ZCCHC2: variants seen among roughly 807,000 people sequenced by gnomAD.
ZCCHC2 encodes the protein zinc finger CCHC-type containing 2.
Under a neutral mutation model 103.6 loss-of-function variants are expected in ZCCHC2, and 39 were observed. That is an observed-to-expected ratio of 0.38 (90% confidence interval 0.29 to 0.49). ZCCHC2 has a LOEUF of 0.49. Ranked by LOEUF, ZCCHC2 falls within the 20% of genes least tolerant of loss-of-function variation. The probability of loss-of-function intolerance (pLI) is 0.96; values close to 1 mark genes in which losing one functional copy is unlikely to be tolerated. For missense variants in ZCCHC2, 1,483 were observed against 1,491.0 expected (o/e 0.99, Z 0.09); for synonymous variants, 687 against 608.9 (o/e 1.13, Z -1.89).
chr18:62,586,117 T>TTA (rs1555790345), exon 15 of ZCCHC2: 3 of 151,340 alleles, frequency 2.0e-5, no homozygotes, highest in African/African-American at 4.9e-5. Flanking sequence ...TTTTTTTTTT[T>TTA]ACCTGAAAGC....
At chr18:62,553,768 C>G (rs1018240822) in intron 5 of ZCCHC2, among the ~76,000 whole-genome samples, 3 of 152,108 alleles carry the variant, frequency 2.0e-5, no homozygotes, top group African/African-American at 7.2e-5. Context: ...AAAGACAGTC[C>G]GATTTCAGTT....
chr18:62,573,691 C>T (rs1019397336), intron 12 of ZCCHC2, among the ~76,000 whole-genome samples: 17 of 152,254 alleles, frequency 1.1e-4, no homozygotes, highest in Admixed American at 7.8e-4. Flanking sequence ...CTTGGGTTGG[C>T]AGTGCAGAAT....
intron 7 of ZCCHC2, 69 bp from the exon 8 acceptor site, chr18:62,560,518 T>G (rs1294746481): frequency 7.9e-7 from 1 of 1,273,332 alleles, no homozygotes; most frequent in African/African-American, 1.5e-5. Context: ...TCATACAAAC[T>G]AGTAGCATCC....
At chr18:62,575,654 G>A in intron 13 of ZCCHC2, 104 bp downstream of exon 13, 1 of 1,377,132 alleles carries the variant, frequency 7.3e-7, no homozygotes, top group Non-Finnish European at 9.8e-7. Context: ...ATCTGTTTGT[G>A]TTTTCGTTTA....
At chr18:62,573,721 T>G (rs79455429) in intron 12 of ZCCHC2, among the ~76,000 whole-genome samples, 441 of 152,328 alleles carry the variant, frequency 2.9e-3, no homozygotes, top group African/African-American at 9.7e-3. Flanking sequence ...GTGGATTGCC[T>G]GAAGTTTATT....
intron 1 of ZCCHC2, 130 bp downstream of exon 1, chr18:62,524,493 G>C (rs1914257756): frequency 7.4e-7 from 1 of 1,348,084 alleles, no homozygotes; most frequent in Admixed American, 3.4e-5. Flanking sequence ...CCACCCGGCA[G>C]CTCCCAGCGC....
chr18:62,535,148 A>C (rs916638327), intron 1 of ZCCHC2, among the ~76,000 whole-genome samples: 1 of 152,170 alleles, frequency 6.6e-6, no homozygotes, highest in East Asian at 1.9e-4. Flanking sequence ...AGGCAGAGTC[A>C]GATGTGGGCT....
chr18:62,563,434 G>A (rs1423230961), intron 9 of ZCCHC2, among the ~76,000 whole-genome samples: 1 of 152,118 alleles, frequency 6.6e-6, no homozygotes, highest in Non-Finnish European at 1.5e-5. Flanking sequence ...TAAGGCAGGA[G>A]GATTGCTTGA....
intron 1 of ZCCHC2, among the ~76,000 whole-genome samples, chr18:62,533,351 C>G (rs999211226): frequency 6.6e-6 from 1 of 150,982 alleles, no homozygotes; most frequent in Non-Finnish European, 1.5e-5. Flanking sequence ...CATAGTGAAA[C>G]CCTGTCTCTA....
Position 62,570,232 on chromosome 18 carries a change from G to A in ZCCHC2, c.1975+1G>A, listed in dbSNP as rs753483256. 6.2e-7 allele frequency: 1 copy of A among 1,610,982 alleles called. No homozygotes were observed. On this transcript the variant is annotated splice_donor_variant, in intron 12 of 13. Transcript: ENST00000269499. LOFTEE classifies it high-confidence loss of function. ...GAAAGTGAAGAAGAGAAAGACAGAG[G>A]TTTGCTCTTTGAAGTGGGAGTATTG...
chr18:62,567,349 CA>C (rs1255534971), intron 11 of ZCCHC2, among the ~76,000 whole-genome samples: 1 of 152,160 alleles, frequency 6.6e-6, no homozygotes, highest in Non-Finnish European at 1.5e-5. Context: ...TTCTGATTAG[CA>C]GGTTGTTTGG....
intron 12 of ZCCHC2, among the ~76,000 whole-genome samples, chr18:62,572,079 G>A (rs3760571): frequency 2.3e-4 from 35 of 152,130 alleles, no homozygotes; most frequent in South Asian, 1.0e-3. Context: ...GATTTTTTTC[G>A]TCTTCTTTTT....
At position 62,574,092 on chromosome 18, in the gene ZCCHC2, T is replaced by A; in HGVS notation, c.2011T>A (p.Ser671Thr). 6.2e-7 allele frequency: 1 copy of A among 1,613,870 alleles called. No individual in the cohort carries two copies. The highest frequency in any genetic ancestry group is 8.5e-7 in the Non-Finnish European group (1 of 1,179,820). Residue 671 changes from serine to threonine, a missense_variant, in exon 13 of 14, where the codon TCA becomes ACA. By Grantham distance (58) the Ser-to-Thr change is moderately conservative. Around this residue, in one of 3 missense-constraint regions of ZCCHC2, gnomAD observed 884 missense variants for 907.5 expected, o/e 0.97. Coordinates refer to ENST00000269499, the MANE Select transcript of ZCCHC2 (RefSeq NM_017742.6). ...CAATTCTGAGGATTCTGGGAATCCA[T>A]CAACAACTAGGTTTACAGGTTACGG... ...DSNSEDSGNP[S>T]TTRFTGYGSV...
Position 62,539,667 on chromosome 18 carries a change from T to G in ZCCHC2, c.940-14T>G. On this transcript the variant is annotated splice_polypyrimidine_tract_variant and intron_variant, in intron 1 of 13. Coordinates refer to ENST00000269499, the MANE Select transcript of ZCCHC2 (RefSeq NM_017742.6). The stretch of plus-strand genomic sequence containing the variant: ...CATGGTTTAAGTTAACGTATCTCCC[T>G]CTTTCTCATCTAGAACAACTCTGCT... 1 of 1,565,350 alleles carries G rather than the reference T, an allele frequency of 6.4e-7. No homozygotes were observed.
chr18:62,542,528 G>C lies in ZCCHC2; in HGVS notation c.1082G>C (p.Gly361Ala), dbSNP rs951524811. The C allele has an allele frequency of 6.4e-7, 1 of 1,564,782 alleles. No individual in the cohort carries two copies. Among genetic ancestry groups the C allele is most frequent in the African/African-American group, 1.4e-5 (1 of 73,830 alleles). The change falls in exon 3 of 14, where the codon GGA (glycine) becomes GCA (alanine). Residue 361 changes from glycine (G) to alanine (A), a missense_variant. Physicochemically the swap from Gly to Ala is moderately conservative, Grantham distance 60 (BLOSUM62 0). This residue lies in a region of ZCCHC2 where 568 missense variants were observed against 525.1 expected (regional missense o/e 1.08). Coordinates refer to ENST00000269499, the MANE Select transcript of ZCCHC2 (RefSeq NM_017742.6). The part of the protein sequence containing the change: ...AVHIEKIMLK[G>A]VQRKRADKYW... ...CACATTGAGAAGATAATGTTGAAAG[G>C]AGTCCAGAGAAAAAGAGCTGACAAA... is the stretch of plus-strand genomic sequence containing the variant.
At chr18:62,542,908 T>C (rs1568543594) in intron 3 of ZCCHC2, among the ~76,000 whole-genome samples, 1 of 152,128 alleles carries the variant, frequency 6.6e-6, no homozygotes, top group Admixed American at 6.5e-5. Flanking sequence ...TCCCTGGTAT[T>C]TTCCTCCTCC....
intron 6 of ZCCHC2, among the ~76,000 whole-genome samples, chr18:62,558,285 T>C (rs545150255): frequency 1.1e-3 from 164 of 152,320 alleles, no homozygotes; most frequent in African/African-American, 3.8e-3. Context: ...AGATTAACAA[T>C]TTGACAGTGC....
At chr18:62,561,388 C>T (rs1227459863) in intron 8 of ZCCHC2, among the ~76,000 whole-genome samples, 1 of 152,216 alleles carries the variant, frequency 6.6e-6, no homozygotes, top group Non-Finnish European at 1.5e-5. Flanking sequence ...TCCAGTTTCT[C>T]CTGCAGATCC....
In ZCCHC2 at chr18:62,574,319, A is replaced by C; in HGVS notation, c.2238A>C (p.Lys746Asn). 6.2e-7 allele frequency: 1 copy of C among 1,614,054 alleles called. No homozygotes were observed. Among genetic ancestry groups the C allele is most frequent in the Non-Finnish European group, 8.5e-7 (1 of 1,179,902 alleles). Residue 746 changes from lysine to asparagine, a missense_variant, in exon 13 of 14, where the codon AAA (lysine) becomes AAC (asparagine). Coordinates refer to ENST00000269499, the MANE Select transcript of ZCCHC2 (RefSeq NM_017742.6). ...VVPAPKPADG[K>N]TIGMLVPSPV... ...CTGCACCCAAACCCGCTGATGGCAA[A>C]ACCATAGGGATGCTTGTTCCTAGTC... is the stretch of plus-strand genomic sequence containing the variant.
Sources: gnomAD v4.1 joint callset for allele counts (sites outside exome capture counted in the v4.1 genomes callset) on GRCh38, gnomAD v4.1.1 for gene constraint, gnomAD v4.1.1 regional missense constraint, MANE v1.5 for transcripts, NCBI Gene and HGNC (gene_info 2026-07-23, HGNC 2026-07-21) for gene names.